The following LRPPRC variants were observed in gnomAD, a reference collection of about 807,000 sequenced individuals.
The protein encoded by LRPPRC is leucine rich pentatricopeptide repeat containing, also known as leucine-rich PPR motif-containing protein, mitochondrial.
A neutral mutation model predicts 180.3 loss-of-function variants in LRPPRC; 120 were observed. The ratio of observed to expected loss-of-function variants is 0.67; its 90% CI spans 0.57 to 0.77. The LOEUF (loss-of-function observed/expected upper bound fraction) is 0.77, where lower values mean the gene tolerates loss of function less well. Ranked by LOEUF, LRPPRC falls within the 30% of genes least tolerant of loss-of-function variation. The probability of loss-of-function intolerance (pLI) is 0.00; values close to 1 mark genes in which losing one functional copy is unlikely to be tolerated. For missense variants in LRPPRC, 2,012 were observed against 1,657.2 expected (o/e 1.21, Z -3.72); for synonymous variants, 723 against 600.0 (o/e 1.21, Z -3.00).
rs1284842597 is a variant in LRPPRC, at chr2:43,974,659, A to G, written c.964T>C (p.Ser322Pro). The change falls in exon 8 of 38, where the codon TCA (serine) becomes CCA (proline). Residue 322 changes from serine (S) to proline (P), a missense_variant. Physicochemically the swap from Ser to Pro is moderately conservative, Grantham distance 74 (BLOSUM62 -1). Coordinates refer to ENST00000260665, the MANE Select transcript of LRPPRC (RefSeq NM_133259.4). The stretch of plus-strand genomic sequence containing the variant: ...CATGTAACTTTTTCCAAAATTTCTG[A>G]GACATACTGAGGATACCCAGCTTTA... ...FSKAGYPQYV[S>P]EILEKVTCER... The G allele has an allele frequency of 6.2e-7, 1 of 1,610,426 alleles. No individual in the cohort carries two copies. The highest frequency in any genetic ancestry group is 8.5e-7 in the Non-Finnish European group (1 of 1,176,866).
chr2:43,918,799 A>C (rs1317193718), intron 27 of LRPPRC, among the ~76,000 whole-genome samples: 1 of 136,800 alleles, frequency 7.3e-6, no homozygotes, highest in South Asian at 2.1e-4. Flanking sequence ...ATAGATATAT[A>C]TATATATATA....
At chr2:43,908,809 G>A (rs549321817) in intron 30 of LRPPRC, among the ~76,000 whole-genome samples, 72 of 152,304 alleles carry the variant, frequency 4.7e-4, no homozygotes, top group East Asian at 1.2e-3. Context: ...TTACAGCCAC[G>A]AACCACTGAG....
intron 29 of LRPPRC, among the ~76,000 whole-genome samples, chr2:43,914,557 G>T (rs1222456971): frequency 2.0e-5 from 3 of 151,812 alleles, no homozygotes; most frequent in African/African-American, 7.3e-5. Flanking sequence ...GTGAAACGCG[G>T]TCTATACCAA....
intron 34 of LRPPRC, among the ~76,000 whole-genome samples, chr2:43,898,451 T>C (rs1034582577): frequency 2.0e-5 from 3 of 152,286 alleles, no homozygotes; most frequent in African/African-American, 4.8e-5. Flanking sequence ...AACACAGCCG[T>C]TGGCGGGATC....
At chr2:43,894,654 T>C (rs1670616890) in intron 35 of LRPPRC, 25 bp from the exon 36 acceptor site, 1 of 1,165,870 alleles carries the variant, frequency 8.6e-7, no homozygotes, top group Non-Finnish European at 1.3e-6. Flanking sequence ...AAAGGTAATA[T>C]TATGAAAACC....
intron 1 of LRPPRC, among the ~76,000 whole-genome samples, chr2:43,988,663 G>A (rs904657045): frequency 1.2e-4 from 18 of 151,974 alleles, no homozygotes; most frequent in African/African-American, 2.7e-4. Flanking sequence ...TGTCACCTCC[G>A]GAGTAGCTGG....
intron 11 of LRPPRC, among the ~76,000 whole-genome samples, chr2:43,970,363 GCAGA>G (rs1001989941): frequency 6.6e-6 from 1 of 152,140 alleles, no homozygotes; most frequent in African/African-American, 2.4e-5. Flanking sequence ...GCCTGAGAGA[GCAGA>G]CAAAGAAAGA....
chr2:43,943,559 C>T lies in LRPPRC; in HGVS notation c.2504+128G>A, dbSNP rs75856196. The stretch of plus-strand genomic sequence containing the variant: ...AAAGGTCACCTAGTTCATATTAGCC[C>T]TCTTACTCTGTGGTAAATGACCTCC... On this transcript the variant is annotated intron_variant, in intron 23 of 37. Coordinates refer to ENST00000260665, the MANE Select transcript of LRPPRC (RefSeq NM_133259.4). 11 of 766,360 alleles carry T rather than the reference C, an allele frequency of 1.4e-5. No homozygotes were observed. The South Asian group carries it at 1.7e-4, about 12-fold the overall frequency. 47.5% of individuals were successfully genotyped at this position (766,360 alleles called of 1,614,324 possible). A position where few individuals can be genotyped will look rare whatever the true frequency, so the allele number is the denominator to read the frequency against.
chr2:43,947,168 T>C, intron 20 of LRPPRC, 89 bp downstream of exon 20: 2 of 656,436 alleles, frequency 3.0e-6, no homozygotes, highest in South Asian at 1.8e-5. Flanking sequence ...CGATCAATTG[T>C]AAAAATCATA....
At chr2:43,949,919 T>C (rs1377447934) in intron 15 of LRPPRC, among the ~76,000 whole-genome samples, 1 of 152,222 alleles carries the variant, frequency 6.6e-6, no homozygotes, top group Non-Finnish European at 1.5e-5. Context: ...GACTCTAAAC[T>C]GATTTATAAA....
intron 1 of LRPPRC, among the ~76,000 whole-genome samples, chr2:43,988,834 C>A (rs1050369920): frequency 1.1e-4 from 17 of 152,060 alleles, no homozygotes; most frequent in Non-Finnish European, 5.9e-5. Context: ...TGAGCCACCA[C>A]GCCTGACCAA....
intron 21 of LRPPRC, 86 bp downstream of exon 21, chr2:43,946,027 G>C (rs1194280864): frequency 7.5e-7 from 1 of 1,340,904 alleles, no homozygotes; most frequent in East Asian, 2.3e-5. Flanking sequence ...CATTATATAA[G>C]AGAGTAATAT....
intron 15 of LRPPRC, among the ~76,000 whole-genome samples, chr2:43,949,991 T>C (rs1021667530): frequency 2.6e-5 from 4 of 152,222 alleles, no homozygotes; most frequent in African/African-American, 9.6e-5. Context: ...ATAGGAATTA[T>C]TGACCAATAT....
chr2:43,960,803 C>T (rs750088881), intron 12 of LRPPRC, among the ~76,000 whole-genome samples, 169 bp from the exon 13 acceptor site: 2 of 152,326 alleles, frequency 1.3e-5, no homozygotes, highest in Non-Finnish European at 1.5e-5. Flanking sequence ...GACATTTCAG[C>T]ATTCTAAGTT....
intron 2 of LRPPRC, among the ~76,000 whole-genome samples, chr2:43,981,148 A>G (rs1674289960): frequency 6.6e-6 from 1 of 152,154 alleles, no homozygotes; most frequent in African/African-American, 2.4e-5. Flanking sequence ...TGAAAGACCT[A>G]TAGCTTGCAT....
chr2:43,947,169 A>G, intron 20 of LRPPRC, 88 bp downstream of exon 20: 1 of 659,020 alleles, frequency 1.5e-6, no homozygotes, highest in East Asian at 2.8e-5. Context: ...GATCAATTGT[A>G]AAAATCATAA....
chr2:43,914,788 A>T (rs1404900869), intron 29 of LRPPRC, among the ~76,000 whole-genome samples: 2 of 152,190 alleles, frequency 1.3e-5, no homozygotes, highest in Non-Finnish European at 2.9e-5. Flanking sequence ...TGAAAATTCC[A>T]GAATAGAGGT....
In LRPPRC at chr2:43,901,304, G is replaced by C; in HGVS notation, c.3569+16C>G. 3 of 1,605,124 alleles carry C rather than the reference G, an allele frequency of 1.9e-6. No homozygotes were observed. Among genetic ancestry groups the C allele is most frequent in the Non-Finnish European group, 2.6e-6 (3 of 1,173,394 alleles). ...CTAGTGACCAATGAAGGAAAAGAAG[G>C]CTTGCAAATACTCACTTCTTTATTT... On this transcript the variant is annotated intron_variant, in intron 32 of 37. Transcript: ENST00000260665.
Position 43,888,511 on chromosome 2 carries a change from T to C in LRPPRC, c.*89A>G, listed in dbSNP as rs1005947284. 1.1e-5 allele frequency: 9 copies of C among 850,398 alleles called. No homozygotes were observed. Among genetic ancestry groups the C allele is most frequent in the Admixed American group, 3.7e-5 (2 of 53,788 alleles). 52.7% of individuals were successfully genotyped at this position (850,398 alleles called of 1,614,324 possible). On this transcript the variant is annotated 3_prime_UTR_variant, in exon 38 of 38. Coordinates refer to ENST00000260665, the MANE Select transcript of LRPPRC (RefSeq NM_133259.4). ...CATACATAAGTACATAAAGAAAATTTTCATTTATTTTTCCCTCAGATATAC... is the reference window on the plus strand; with the variant it reads ...CATACATAAGTACATAAAGAAAATTCTCATTTATTTTTCCCTCAGATATAC...
Sources: gnomAD v4.1 joint callset for allele counts (sites outside exome capture counted in the v4.1 genomes callset) on GRCh38, gnomAD v4.1.1 for gene constraint, MANE v1.5 for transcripts, NCBI Gene and HGNC (gene_info 2026-07-23, HGNC 2026-07-21) for gene names.